NELL1: variants seen among roughly 807,000 people sequenced by gnomAD.
NELL1 encodes the protein neural EGFL like 1.
A neutral mutation model predicts 107.4 loss-of-function variants in NELL1; 76 were observed. The ratio of observed to expected loss-of-function variants is 0.71; its 90% CI spans 0.59 to 0.86. The LOEUF (loss-of-function observed/expected upper bound fraction) is 0.86, where lower values mean the gene tolerates loss of function less well. Ranked by LOEUF, NELL1 falls within the 40% of genes least tolerant of loss-of-function variation. The pLI is 0.00. For missense variants in NELL1, 1,024 were observed against 1,005.5 expected (o/e 1.02, Z -0.25); for synonymous variants, 353 against 341.2 (o/e 1.03, Z -0.38).
intron 14 of NELL1, among the ~76,000 whole-genome samples, chr11:21,270,146 G>A (rs1316348301): frequency 6.6e-6 from 1 of 151,980 alleles, no homozygotes; most frequent in Non-Finnish European, 1.5e-5. Context: ...TAAAATAGAA[G>A]CAAGGACACA....
At chr11:21,069,044 A>T (rs1315281320) in intron 12 of NELL1, among the ~76,000 whole-genome samples, 1 of 152,112 alleles carries the variant, frequency 6.6e-6, no homozygotes, top group East Asian at 1.9e-4. Context: ...TTCATTCAGA[A>T]TTTTCTTTCT....
chr11:21,411,991 C>T (rs10766801), intron 15 of NELL1, among the ~76,000 whole-genome samples: 150,370 of 152,180 alleles, frequency 0.99, 74,315 homozygotes, highest in East Asian at 1. Context: ...GTATCCTAGA[C>T]TTTTGTGTGT....
At chr11:20,701,662 A>C (rs182236992) in intron 2 of NELL1, among the ~76,000 whole-genome samples, 5,288 of 152,118 alleles carry the variant, frequency 0.035, 278 homozygotes, top group African/African-American at 0.12. Flanking sequence ...TAAGTCTTTA[A>C]TCCATCTTGA....
intron 3 of NELL1, among the ~76,000 whole-genome samples, chr11:20,790,720 C>A (rs555061471): frequency 1.3e-5 from 2 of 151,952 alleles, no homozygotes; most frequent in South Asian, 2.1e-4. Flanking sequence ...GCCTGCTCTA[C>A]GGGGCAGGAG....
chr11:21,057,407 G>T (rs1358398556), intron 12 of NELL1, among the ~76,000 whole-genome samples: 1 of 151,960 alleles, frequency 6.6e-6, no homozygotes, highest in Non-Finnish European at 1.5e-5. Flanking sequence ...GTTTCATCAA[G>T]TGTCTTAAAA....
chr11:21,523,692 T>G (rs1855782398), intron 15 of NELL1, among the ~76,000 whole-genome samples: 1 of 152,152 alleles, frequency 6.6e-6, no homozygotes, highest in Non-Finnish European at 1.5e-5. Flanking sequence ...TCTTCCTATA[T>G]TCCCATCTTT....
intron 14 of NELL1, among the ~76,000 whole-genome samples, chr11:21,274,757 G>C (rs1270546310): frequency 6.6e-6 from 1 of 152,080 alleles, no homozygotes; most frequent in Middle Eastern, 3.2e-3. Context: ...ACTCAAAACC[G>C]CTCAACTACA....
intron 12 of NELL1, among the ~76,000 whole-genome samples, chr11:21,097,222 AC>A: frequency 6.6e-6 from 1 of 152,086 alleles, no homozygotes; most frequent in East Asian, 1.9e-4. Flanking sequence ...TGTCAGATTT[AC>A]CCTTCATCCT....
intron 15 of NELL1, among the ~76,000 whole-genome samples, chr11:21,474,535 A>G: frequency 6.6e-6 from 1 of 152,148 alleles, no homozygotes; most frequent in African/African-American, 2.4e-5. Context: ...ACAGAGGAGC[A>G]TATTATATTC....
rs371521946 is a variant in NELL1, at chr11:21,211,321, G to A, written c.1427-18011G>A. On this transcript the variant is annotated intron_variant, in intron 13 of 19. Transcript: ENST00000357134. ...GCATATGAAAATGCTTATGATGAGAGGTAAAAAGGAACTTTTGAGGCAGGA... is the reference window on the plus strand; with the variant it reads ...GCATATGAAAATGCTTATGATGAGAAGTAAAAAGGAACTTTTGAGGCAGGA... 7.3e-4 allele frequency among the ~76,000 whole-genome samples: 111 copies of A among 152,112 alleles called. 4 individuals carry two copies. The South Asian group carries it at 0.022, about 30-fold the overall frequency.
chr11:21,070,418 G>T (rs951419446), intron 12 of NELL1, among the ~76,000 whole-genome samples: 1 of 152,070 alleles, frequency 6.6e-6, no homozygotes, highest in Non-Finnish European at 1.5e-5. Flanking sequence ...GTATTATAAG[G>T]TTGGCTTCTC....
chr11:21,217,563 G>A (rs1857646345), intron 13 of NELL1, among the ~76,000 whole-genome samples: 1 of 152,160 alleles, frequency 6.6e-6, no homozygotes, highest in African/African-American at 2.4e-5. Flanking sequence ...GAGATGGAAT[G>A]AGGAGAGGGT....
intron 4 of NELL1, among the ~76,000 whole-genome samples, chr11:20,861,651 T>G (rs148023532): frequency 0.016 from 2,419 of 152,292 alleles, 22 homozygotes; most frequent in Non-Finnish European, 0.026. Flanking sequence ...GTGATGAGGG[T>G]CAGGTGCTCT....
chr11:21,441,330 CG>C (rs551225232), intron 15 of NELL1, among the ~76,000 whole-genome samples: 70,020 of 140,214 alleles, frequency 0.5, 19,660 homozygotes, highest in East Asian at 0.77. Flanking sequence ...GAGGCTGTGA[CG>C]TGTGTGTGTG....
chr11:21,511,028 C>T (rs1334384076), intron 15 of NELL1, among the ~76,000 whole-genome samples: 1 of 152,110 alleles, frequency 6.6e-6, no homozygotes, highest in African/African-American at 2.4e-5. Context: ...ACTGTCTCCT[C>T]ATCTGTAAAA....
chr11:21,425,340 G>T (rs1422983835), intron 15 of NELL1, among the ~76,000 whole-genome samples: 1 of 152,098 alleles, frequency 6.6e-6, no homozygotes, highest in Non-Finnish European at 1.5e-5. Context: ...TTATGAAAAT[G>T]GTTGGAGGCT....
intron 15 of NELL1, among the ~76,000 whole-genome samples, chr11:21,447,177 T>C (rs1853453991): frequency 6.6e-6 from 1 of 152,012 alleles, no homozygotes; most frequent in Non-Finnish European, 1.5e-5. Context: ...AGCAGTGGGC[T>C]CCCCTCTGGC....
chr11:20,968,951 G>A (rs1196412810), intron 12 of NELL1, among the ~76,000 whole-genome samples: 1 of 152,150 alleles, frequency 6.6e-6, no homozygotes, highest in Non-Finnish European at 1.5e-5. Context: ...GTCTAGCTGT[G>A]TTCCCAGGAG....
At chr11:20,755,863 CG>C in intron 2 of NELL1, among the ~76,000 whole-genome samples, 3 of 120,346 alleles carry the variant, frequency 2.5e-5, no homozygotes, top group Admixed American at 8.0e-5. Context: ...GCCAGACCTG[CG>C]GTTTTTTTTT....
Sources: gnomAD v4.1 joint callset for allele counts (sites outside exome capture counted in the v4.1 genomes callset) on GRCh38, gnomAD v4.1.1 for gene constraint, MANE v1.5 for transcripts, NCBI Gene and HGNC (gene_info 2026-07-23, HGNC 2026-07-21) for gene names.